Variants in LRRC4C observed in about 807,000 individuals in gnomAD.
LRRC4C encodes leucine-rich repeat-containing protein 4C.
Under a neutral mutation model 33.6 loss-of-function variants are expected in LRRC4C, and 5 were observed. The observed-to-expected ratio is 0.15, with a 90% CI of 0.08 to 0.31. The LOEUF (loss-of-function observed/expected upper bound fraction) is 0.31, where lower values mean the gene tolerates loss of function less well. Among genes scored for constraint, LRRC4C ranks in the 10% least tolerant of loss-of-function variants. LRRC4C has a pLI of 1.00. For missense variants in LRRC4C, 560 were observed against 796.7 expected (o/e 0.70, Z 3.58); for synonymous variants, 329 against 302.0 (o/e 1.09, Z -0.93).
intron 2 of LRRC4C, among the ~76,000 whole-genome samples, chr11:40,884,652 G>T (rs187798163): frequency 3.1e-4 from 47 of 152,148 alleles, no homozygotes; most frequent in Non-Finnish European, 5.9e-4. Context: ...TATATCACTG[G>T]ACATGTCAAT....
chr11:40,706,119 A>G (rs1024389109), intron 2 of LRRC4C, among the ~76,000 whole-genome samples: 2 of 152,154 alleles, frequency 1.3e-5, no homozygotes, highest in African/African-American at 4.8e-5. Context: ...GCCCTTTGTC[A>G]GATGGGTAGA....
At chr11:41,032,212 C>A (rs1168720466) in intron 1 of LRRC4C, among the ~76,000 whole-genome samples, 1 of 152,034 alleles carries the variant, frequency 6.6e-6, no homozygotes, top group East Asian at 1.9e-4. Context: ...CTCAGACCCC[C>A]TGATGGGGTA....
intron 2 of LRRC4C, among the ~76,000 whole-genome samples, chr11:40,862,490 T>C (rs1303122497): frequency 6.6e-6 from 1 of 152,216 alleles, no homozygotes; most frequent in Non-Finnish European, 1.5e-5. Flanking sequence ...AATATGCTTC[T>C]GTGGTTTTTT....
chr11:40,776,754 C>A (rs1479993804), intron 2 of LRRC4C, among the ~76,000 whole-genome samples: 1 of 151,820 alleles, frequency 6.6e-6, no homozygotes, highest in Non-Finnish European at 1.5e-5. Flanking sequence ...TTAGTTATTT[C>A]TTTTCTTTTC....
chr11:41,269,612 G>T (rs959238969), intron 1 of LRRC4C, among the ~76,000 whole-genome samples: 1 of 152,082 alleles, frequency 6.6e-6, no homozygotes, highest in Admixed American at 6.6e-5. Context: ...TGACACGGTC[G>T]ATTGTCTTGG....
chr11:40,801,419 A>G (rs1393011566), intron 2 of LRRC4C, among the ~76,000 whole-genome samples: 1 of 152,136 alleles, frequency 6.6e-6, no homozygotes. Flanking sequence ...TTGAACTCCA[A>G]TACCACTTTA....
At chr11:40,256,220 T>C (rs1317107394) in intron 4 of LRRC4C, among the ~76,000 whole-genome samples, 2 of 152,176 alleles carry the variant, frequency 1.3e-5, no homozygotes, top group African/African-American at 4.8e-5. Flanking sequence ...TCCACTCTTT[T>C]GTGGAAAGAT....
chr11:41,404,310 G>C (rs1168929627), intron 1 of LRRC4C, among the ~76,000 whole-genome samples: 1 of 151,968 alleles, frequency 6.6e-6, no homozygotes, highest in Non-Finnish European at 1.5e-5. Context: ...AATGGAGTAG[G>C]TTTATAAAAG....
At chr11:40,637,073 C>G (rs1002705630) in intron 3 of LRRC4C, among the ~76,000 whole-genome samples, 3 of 152,204 alleles carry the variant, frequency 2.0e-5, no homozygotes, top group African/African-American at 7.2e-5. Flanking sequence ...GTTAATTAGT[C>G]TTCCAGGCAC....
intron 1 of LRRC4C, among the ~76,000 whole-genome samples, chr11:40,992,229 G>A (rs1367963280): frequency 1.3e-5 from 2 of 151,876 alleles, no homozygotes; most frequent in South Asian, 2.1e-4. Context: ...GAGAATTCAG[G>A]TCTCCTCTAT....
chr11:40,965,452 G>A (rs1851283509), intron 1 of LRRC4C, among the ~76,000 whole-genome samples: 1 of 152,122 alleles, frequency 6.6e-6, no homozygotes, highest in East Asian at 1.9e-4. Context: ...CCATGCCTAT[G>A]TCCTGAATGG....
chr11:40,588,945 T>G (rs1185797258), intron 3 of LRRC4C, among the ~76,000 whole-genome samples: 2 of 152,218 alleles, frequency 1.3e-5, no homozygotes, highest in East Asian at 1.9e-4. Context: ...GAAAAAAATG[T>G]ACATTCTGTT....
intron 3 of LRRC4C, among the ~76,000 whole-genome samples, chr11:40,546,942 G>A (rs1956949207): frequency 6.6e-6 from 1 of 152,106 alleles, no homozygotes; most frequent in African/African-American, 2.4e-5. Context: ...CCAGAAAATG[G>A]CAATAGTTTG....
In LRRC4C at chr11:41,384,077, C is replaced by G. The variant is rs549698174; in HGVS notation, c.-496+75354G>C. ...ACATACAATTTTGGTAATGAAAGAT[C>G]TTCGAAAGTTTATTTTAAAATGTAA... On this transcript the variant is annotated intron_variant, in intron 1 of 6. Transcript: ENST00000528697. Among the ~76,000 whole-genome samples, 3 of 151,920 alleles carry G rather than the reference C, an allele frequency of 2.0e-5. No individual in the cohort carries two copies. In the East Asian group the frequency reaches 5.8e-4, roughly 29 times the overall value.
chr11:40,239,362 C>T (rs1408117185), intron 5 of LRRC4C, among the ~76,000 whole-genome samples: 2 of 152,092 alleles, frequency 1.3e-5, no homozygotes, highest in African/African-American at 4.8e-5. Flanking sequence ...GTGCCTCGTC[C>T]ACTACTTTGT....
At chr11:41,135,216 T>C (rs1285682914) in intron 1 of LRRC4C, among the ~76,000 whole-genome samples, 8 of 152,122 alleles carry the variant, frequency 5.3e-5, no homozygotes, top group Non-Finnish European at 1.0e-4. Flanking sequence ...CTCTCTAATT[T>C]TGCAAAGTTT....
intron 1 of LRRC4C, among the ~76,000 whole-genome samples, chr11:41,179,885 T>A: frequency 4.8e-5 from 1 of 20,714 alleles, no homozygotes; most frequent in African/African-American, 6.8e-5. Flanking sequence ...ACAGGCAGGT[T>A]TTCTTCCACC....
intron 1 of LRRC4C, among the ~76,000 whole-genome samples, chr11:41,147,913 G>T (rs1349505332): frequency 2.6e-5 from 4 of 152,072 alleles, no homozygotes; most frequent in African/African-American, 9.7e-5. Context: ...ATATAGTGAG[G>T]CCCTGTCTTT....
chr11:40,839,607 G>T (rs1274663846), intron 2 of LRRC4C, among the ~76,000 whole-genome samples: 5 of 152,150 alleles, frequency 3.3e-5, no homozygotes, highest in Non-Finnish European at 5.9e-5. Context: ...AGGATGAAGT[G>T]AACTGGCCAA....
Sources: allele counts gnomAD v4.1 joint callset (sites outside exome capture counted in the v4.1 genomes callset), GRCh38; gene constraint gnomAD v4.1.1; transcripts MANE v1.5; gene names NCBI Gene and HGNC (gene_info 2026-07-23, HGNC 2026-07-21).